The following MARCHF1 variants were observed in gnomAD, a reference collection of about 807,000 sequenced individuals.
MARCHF1 encodes E3 ubiquitin-protein ligase MARCHF1.
Under a neutral mutation model 54.2 loss-of-function variants are expected in MARCHF1, and 40 were observed. The ratio of observed to expected loss-of-function variants is 0.74; its 90% CI spans 0.57 to 0.96. The LOEUF (loss-of-function observed/expected upper bound fraction) is 0.96. Ranked by LOEUF, MARCHF1 falls within the 40% of genes least tolerant of loss-of-function variation. The pLI, the probability that MARCHF1 is intolerant of heterozygous loss-of-function variation, is 0.00. For synonymous variants in MARCHF1, 236 were observed against 236.3 expected (o/e 1.00, Z 0.01); for missense variants, 586 against 656.5 (o/e 0.89, Z 1.17).
At chr4:163,796,504 T>A (rs1412997917) in intron 4 of MARCHF1, among the ~76,000 whole-genome samples, 1 of 152,144 alleles carries the variant, frequency 6.6e-6, no homozygotes, top group African/African-American at 2.4e-5. Context: ...ACACATCAGT[T>A]TGATTTGTTC....
At chr4:163,626,861 AG>A (rs1741889516) in intron 5 of MARCHF1, among the ~76,000 whole-genome samples, 1 of 152,098 alleles carries the variant, frequency 6.6e-6, no homozygotes, top group South Asian at 2.1e-4. Flanking sequence ...TGGGAGGTGG[AG>A]GTTGCAGTGA....
At chr4:163,744,049 T>C (rs1442704889) in intron 4 of MARCHF1, among the ~76,000 whole-genome samples, 3 of 152,214 alleles carry the variant, frequency 2.0e-5, no homozygotes. Context: ...TTAATCTAAA[T>C]TTGGAAATGG....
intron 4 of MARCHF1, among the ~76,000 whole-genome samples, chr4:163,788,582 A>G (rs1374532900): frequency 6.6e-6 from 1 of 151,936 alleles, no homozygotes; most frequent in Non-Finnish European, 1.5e-5. Flanking sequence ...CTGTCTATCA[A>G]TTTGAGTTTG....
chr4:164,365,378 T>C lies in MARCHF1; in HGVS notation c.-323+18492A>G, dbSNP rs541243728. Among the ~76,000 whole-genome samples, 13 of 152,180 alleles carry C rather than the reference T, an allele frequency of 8.5e-5. 1 individual carries two copies. The East Asian group carries it at 2.1e-3, about 25-fold the overall frequency. ...ATTAACAAGACTTTGCTTTCTTAAG[T>C]AGAAATTGATATGTGTTGGCTAGAT... On this transcript the variant is annotated intron_variant, in intron 1 of 9. Coordinates refer to ENST00000514618, the MANE Select transcript of MARCHF1 (RefSeq NM_001394959.1).
chr4:163,645,389 C>A (rs764277289), intron 5 of MARCHF1, among the ~76,000 whole-genome samples: 1 of 152,162 alleles, frequency 6.6e-6, no homozygotes, highest in Non-Finnish European at 1.5e-5. Context: ...CCTGCCAAAA[C>A]ATGTCTGTAA....
intron 3 of MARCHF1, among the ~76,000 whole-genome samples, chr4:163,973,565 G>T (rs1046586256): frequency 3.3e-5 from 5 of 152,212 alleles, no homozygotes; most frequent in Non-Finnish European, 7.3e-5. Context: ...CGGAAACGGC[G>T]TTGGAGGGCA....
chr4:164,381,740 A>G (rs186882473), intron 1 of MARCHF1, among the ~76,000 whole-genome samples: 16 of 152,348 alleles, frequency 1.1e-4, no homozygotes, highest in Non-Finnish European at 2.2e-4. Flanking sequence ...TATTTCAAAA[A>G]GAGTTTTTGC....
chr4:163,873,493 A>G (rs1750223742), intron 3 of MARCHF1, among the ~76,000 whole-genome samples: 1 of 151,976 alleles, frequency 6.6e-6, no homozygotes, highest in African/African-American at 2.4e-5. Context: ...ACAGAGCTGG[A>G]CTCTGCATGG....
chr4:163,721,844 G>A (rs138303211), intron 4 of MARCHF1, among the ~76,000 whole-genome samples: 1 of 152,004 alleles, frequency 6.6e-6, no homozygotes, highest in East Asian at 1.9e-4. Context: ...TCTCTGACGG[G>A]AATTTGTATT....
intron 1 of MARCHF1, among the ~76,000 whole-genome samples, chr4:164,300,406 C>T (rs1734525619): frequency 6.6e-6 from 1 of 152,122 alleles, no homozygotes; most frequent in African/African-American, 2.4e-5. Flanking sequence ...ATGACTATCT[C>T]AATATAACAT....
intron 1 of MARCHF1, among the ~76,000 whole-genome samples, chr4:164,139,747 T>C (rs903271387): frequency 3.9e-5 from 6 of 152,160 alleles, no homozygotes; most frequent in African/African-American, 1.4e-4. Flanking sequence ...AAACCAATGT[T>C]AAAGAACTAA....
chr4:164,176,964 CTCTCTCTCTCTCT>C lies in MARCHF1; in HGVS notation c.-322-65315_-322-65303del, dbSNP rs1420178551. Among the ~76,000 whole-genome samples the C allele has an allele frequency of 1.9e-3, 89 of 47,688 alleles. 7 individuals are homozygous for C. The highest frequency in any genetic ancestry group is 4.5e-3 in the Admixed American group (18 of 3,968). 31.3% of individuals were successfully genotyped at this position (47,688 alleles called of 152,430 possible). A position where few individuals can be genotyped will look rare whatever the true frequency, so the allele number is the denominator to read the frequency against. ...GCGCTCTCTCTCTCTCTCTCTCTCTCTCTCTCTCTCTCTCTCTATATATATATATATATATATA... is the reference window on the plus strand; with the variant it reads ...GCGCTCTCTCTCTCTCTCTCTCTCTCCTCTATATATATATATATATATATA... On this transcript the variant is annotated intron_variant, in intron 1 of 9. Coordinates refer to ENST00000514618, the MANE Select transcript of MARCHF1 (RefSeq NM_001394959.1).
chr4:164,254,418 CTA>C (rs1465501150), intron 1 of MARCHF1, among the ~76,000 whole-genome samples: 1 of 148,332 alleles, frequency 6.7e-6, no homozygotes, highest in Non-Finnish European at 1.5e-5. Context: ...TAATAAACTC[CTA>C]TATATATGTA....
intron 3 of MARCHF1, among the ~76,000 whole-genome samples, chr4:163,890,373 T>TCC (rs1750634543): frequency 2.4e-5 from 1 of 41,436 alleles, no homozygotes; most frequent in African/African-American, 3.5e-5. Flanking sequence ...GCTTTCTCTC[T>TCC]CTCTCTCTGT....
At chr4:164,069,064 T>G (rs1045949576) in intron 2 of MARCHF1, among the ~76,000 whole-genome samples, 1 of 152,112 alleles carries the variant, frequency 6.6e-6, no homozygotes, top group Non-Finnish European at 1.5e-5. Context: ...AGCTCAAGGT[T>G]TGTAAATGCA....
chr4:163,587,584 A>G (rs552237021), intron 7 of MARCHF1, among the ~76,000 whole-genome samples: 1 of 152,196 alleles, frequency 6.6e-6, no homozygotes, highest in African/African-American at 2.4e-5. Context: ...GAGGGACACA[A>G]AGATGGAAAT....
intron 2 of MARCHF1, among the ~76,000 whole-genome samples, chr4:163,999,042 C>T (rs768653767): frequency 1.3e-4 from 19 of 151,656 alleles, no homozygotes; most frequent in East Asian, 3.9e-4. Context: ...TTTCCTAGGA[C>T]TGCACTAATT....
In MARCHF1 at chr4:163,620,604, C is replaced by CAG. The variant is rs1395760739; in HGVS notation, c.163-7212_163-7211insCT. Among the ~76,000 whole-genome samples, 473 of 49,668 alleles carry CAG rather than the reference C, an allele frequency of 9.5e-3. 1 individual carries two copies. The highest frequency in any genetic ancestry group is 0.022 in the African/African-American group (276 of 12,418). The allele number at this position is 49,668 out of a possible 152,430, so 32.6% of individuals were successfully genotyped here. A position where few individuals can be genotyped will look rare whatever the true frequency, so the allele number is the denominator to read the frequency against. On this transcript the variant is annotated intron_variant, in intron 5 of 9. Coordinates refer to ENST00000514618, the MANE Select transcript of MARCHF1 (RefSeq NM_001394959.1). ...ACACACACACACACACACACACACA[C>CAG]ACAGAGAGAGAGAGAGAGAGAGAGA...
At chr4:163,884,610 T>A (rs1750489395) in intron 3 of MARCHF1, among the ~76,000 whole-genome samples, 1 of 152,128 alleles carries the variant, frequency 6.6e-6, no homozygotes, top group South Asian at 2.1e-4. Context: ...GGTCACAGAT[T>A]TTGTCCGGTT....
Sources: allele counts gnomAD v4.1 joint callset (sites outside exome capture counted in the v4.1 genomes callset), GRCh38; gene constraint gnomAD v4.1.1; transcripts MANE v1.5; gene names NCBI Gene and HGNC (gene_info 2026-07-23, HGNC 2026-07-21).